Variants in BRINP3 observed in about 807,000 individuals in gnomAD.
BRINP3 encodes BMP/retinoic acid-inducible neural-specific protein 3.
BRINP3 carries 19 observed loss-of-function variants against 71.0 expected under a neutral mutation model. The observed-to-expected ratio is 0.27, with a 90% CI of 0.19 to 0.39. BRINP3 has a LOEUF of 0.39. BRINP3 is among the 10% of genes least tolerant of loss of function. BRINP3 has a pLI of 1.00. For missense variants in BRINP3, 959 were observed against 940.8 expected, an observed-to-expected ratio of 1.02 and a Z score of -0.25; for synonymous variants, 380 against 337.7, an observed-to-expected ratio of 1.13 and a Z score of -1.37.
chr1:190,281,819 G>C, intron 2 of BRINP3, 69 bp from the exon 3 acceptor site: 1 of 1,434,302 alleles, frequency 7.0e-7, no homozygotes, highest in South Asian at 1.4e-5. Context: ...GAGTTCACTT[G>C]GTAGCTGGGG....
intron 6 of BRINP3, among the ~76,000 whole-genome samples, chr1:190,185,816 A>G (rs966255024): frequency 3.3e-5 from 5 of 152,206 alleles, no homozygotes; most frequent in African/African-American, 1.2e-4. Flanking sequence ...CTAGTCTACA[A>G]GCAAAAGGAA....
At chr1:190,216,705 A>G (rs1475509552) in intron 6 of BRINP3, among the ~76,000 whole-genome samples, 1 of 151,868 alleles carries the variant, frequency 6.6e-6, no homozygotes, top group Non-Finnish European at 1.5e-5. Context: ...AAAATAGGAA[A>G]CATACACAAC....
At chr1:190,283,059 A>G (rs948126468) in intron 2 of BRINP3, among the ~76,000 whole-genome samples, 21 of 152,110 alleles carry the variant, frequency 1.4e-4, no homozygotes, top group African/African-American at 4.8e-4. Flanking sequence ...CTAACTATGG[A>G]TATTTAGTAC....
chr1:190,329,236 CT>C, intron 2 of BRINP3, among the ~76,000 whole-genome samples: 1 of 152,130 alleles, frequency 6.6e-6, no homozygotes. Flanking sequence ...CAAACTACCT[CT>C]TTTTGCAGAC....
chr1:190,297,369 A>T (rs1479196423), intron 2 of BRINP3, among the ~76,000 whole-genome samples: 1 of 152,106 alleles, frequency 6.6e-6, no homozygotes. Context: ...CACAAAAAAA[A>T]AACTCAAAAA....
chr1:190,442,464 A>G (rs1161154504), intron 2 of BRINP3, among the ~76,000 whole-genome samples: 1 of 152,180 alleles, frequency 6.6e-6, no homozygotes, highest in East Asian at 1.9e-4. Context: ...CACAATAAGG[A>G]TATGCAAAGC....
At chr1:190,267,013 A>C (rs1486939041) in intron 3 of BRINP3, among the ~76,000 whole-genome samples, 1 of 152,194 alleles carries the variant, frequency 6.6e-6, no homozygotes, top group East Asian at 1.9e-4. Flanking sequence ...CTTTAACAGC[A>C]ACACTTTTCA....
chr1:190,402,267 C>T (rs1671977457), intron 2 of BRINP3, among the ~76,000 whole-genome samples: 1 of 151,950 alleles, frequency 6.6e-6, no homozygotes, highest in Non-Finnish European at 1.5e-5. Context: ...TAAAACATTA[C>T]ACAGTTGATT....
chr1:190,148,892 T>C (rs552693292), intron 7 of BRINP3, among the ~76,000 whole-genome samples: 1 of 152,142 alleles, frequency 6.6e-6, no homozygotes, highest in African/African-American at 2.4e-5. Flanking sequence ...GGACACCTTC[T>C]TTAACAAACA....
chr1:190,173,706 G>A lies in BRINP3; in HGVS notation c.962-12816C>T, dbSNP rs759290352. Among the ~76,000 whole-genome samples the A allele has an allele frequency of 1.1e-4, 16 of 152,036 alleles. 1 individual carries two copies. The highest frequency in any genetic ancestry group is 4.1e-4 in the South Asian group (2 of 4,826). On this transcript the variant is annotated intron_variant, in intron 6 of 7. Coordinates refer to ENST00000367462, the MANE Select transcript of BRINP3 (RefSeq NM_199051.3). ...TGTAAGCATGTATGATATTAAATAC[G>A]TATTTATTAATGTAAACCATTTCAT...
rs373303500 is a variant in BRINP3 at position 190,263,818 on chromosome 1, C to T, written c.618+1047G>A. Among the ~76,000 whole-genome samples the T allele has an allele frequency of 1.8e-4, 28 of 152,114 alleles. No homozygotes were observed. The East Asian group carries it at 2.3e-3, about 13-fold the overall frequency. ...AGCCAGCATGGTCTCGATCTCCCGA[C>T]CTCAAGTGATCCCCCCGCCTCGGCC... is the stretch of plus-strand genomic sequence containing the variant. On this transcript the variant is annotated intron_variant, in intron 4 of 7. Coordinates refer to ENST00000367462, the MANE Select transcript of BRINP3 (RefSeq NM_199051.3).
At chr1:190,274,423 AT>A (rs1466635181) in intron 3 of BRINP3, among the ~76,000 whole-genome samples, 1 of 151,492 alleles carries the variant, frequency 6.6e-6, no homozygotes, top group East Asian at 1.9e-4. Flanking sequence ...ACTTCCTTAC[AT>A]TTGAATATCT....
chr1:190,354,744 C>T (rs1372811539), intron 2 of BRINP3, among the ~76,000 whole-genome samples: 1 of 151,086 alleles, frequency 6.6e-6, no homozygotes, highest in East Asian at 1.9e-4. Flanking sequence ...TTTCCACTGC[C>T]ACCGTCTCTT....
At chr1:190,304,217 A>C (rs140142063) in intron 2 of BRINP3, among the ~76,000 whole-genome samples, 111 of 151,962 alleles carry the variant, frequency 7.3e-4, no homozygotes, top group African/African-American at 2.5e-3. Context: ...TTTGGCTTTC[A>C]ATTATATAAC....
intron 6 of BRINP3, among the ~76,000 whole-genome samples, chr1:190,198,928 G>A (rs1439736989): frequency 6.6e-6 from 1 of 152,002 alleles, no homozygotes; most frequent in Non-Finnish European, 1.5e-5. Context: ...CCAATTTACT[G>A]TGTTACTCTG....
chr1:190,099,416 T>C (rs573089594), intron 7 of BRINP3, among the ~76,000 whole-genome samples: 23 of 152,226 alleles, frequency 1.5e-4, no homozygotes, highest in African/African-American at 5.1e-4. Context: ...TCTAAATATG[T>C]GATATCTTCT....
chr1:190,410,122 G>C (rs778111113), intron 2 of BRINP3, among the ~76,000 whole-genome samples: 3 of 151,790 alleles, frequency 2.0e-5, no homozygotes, highest in Non-Finnish European at 4.4e-5. Context: ...TGTTCAGAGA[G>C]AACAGATTAA....
intron 7 of BRINP3, among the ~76,000 whole-genome samples, chr1:190,155,777 A>G (rs1391586323): frequency 1.3e-5 from 2 of 151,742 alleles, no homozygotes; most frequent in Non-Finnish European, 2.9e-5. Flanking sequence ...CTTCCCCCCT[A>G]GCTTCCTTTC....
chr1:190,342,954 G>T (rs1667764183), intron 2 of BRINP3, among the ~76,000 whole-genome samples: 1 of 151,778 alleles, frequency 6.6e-6, no homozygotes, highest in South Asian at 2.1e-4. Context: ...GTGATGAAAA[G>T]CTTTGAATAC....
Sources: gnomAD v4.1 joint callset for allele counts (sites outside exome capture counted in the v4.1 genomes callset) on GRCh38, gnomAD v4.1.1 for gene constraint, MANE v1.5 for transcripts, NCBI Gene and HGNC (gene_info 2026-07-23, HGNC 2026-07-21) for gene names.